SH3RF2: variants seen among roughly 807,000 people sequenced by gnomAD.
SH3RF2 encodes SH3 domain containing ring finger 2, also known as E3 ubiquitin-protein ligase SH3RF2.
Under a neutral mutation model 59.0 loss-of-function variants are expected in SH3RF2, and 43 were observed. The ratio of observed to expected loss-of-function variants is 0.73; its 90% CI spans 0.57 to 0.94. The LOEUF (loss-of-function observed/expected upper bound fraction) is 0.94. Ranked by LOEUF, SH3RF2 falls within the 40% of genes least tolerant of loss-of-function variation. The probability of loss-of-function intolerance (pLI) is 0.00; values close to 1 mark genes in which losing one functional copy is unlikely to be tolerated. For synonymous variants in SH3RF2, 391 were observed against 391.5 expected (o/e 1.00, Z 0.01); for missense variants, 930 against 940.1 (o/e 0.99, Z 0.14).
chr5:146,010,936 A>G (rs972100036), intron 4 of SH3RF2, among the ~76,000 whole-genome samples: 2 of 151,916 alleles, frequency 1.3e-5, no homozygotes, highest in Non-Finnish European at 1.5e-5. Context: ...TTGGTGTTAT[A>G]GACATGAAGT....
Position 146,011,233 on chromosome 5 carries a change from G to A in SH3RF2, c.745-2514G>A, listed in dbSNP as rs539413617. The stretch of plus-strand genomic sequence containing the variant: ...CTGAGGCCTCTGTTCTGTTCCATTG[G>A]TCTATATCTCTGTTTAGGTACCAGT... On this transcript the variant is annotated intron_variant, in intron 4 of 9. Coordinates refer to ENST00000359120, the MANE Select transcript of SH3RF2 (RefSeq NM_152550.4). 1.9e-3 allele frequency among the ~76,000 whole-genome samples: 288 copies of A among 152,190 alleles called. 3 individuals are homozygous for A. Among genetic ancestry groups the A allele is most frequent in the African/African-American group, 6.8e-3 (281 of 41,522 alleles).
rs192757021 is a variant in SH3RF2, at chr5:145,985,071, G to A, written c.379-14987G>A. On this transcript the variant is annotated intron_variant, in intron 2 of 9. Coordinates refer to ENST00000359120, the MANE Select transcript of SH3RF2 (RefSeq NM_152550.4). ...TTTGGGAGGCCAAGGTGGGAGGATCGCTTGAGCCCAGGAGGACCAGGCTTC... is the reference window on the plus strand; with the variant it reads ...TTTGGGAGGCCAAGGTGGGAGGATCACTTGAGCCCAGGAGGACCAGGCTTC... Among the ~76,000 whole-genome samples, 47 of 152,232 alleles carry A rather than the reference G, an allele frequency of 3.1e-4. No individual in the cohort carries two copies. The East Asian group carries it at 5.8e-3, about 19-fold the overall frequency.
At chr5:146,034,367 G>A (rs556519562) in intron 5 of SH3RF2, among the ~76,000 whole-genome samples, 32 of 152,280 alleles carry the variant, frequency 2.1e-4, no homozygotes, top group Middle Eastern at 3.4e-3. Flanking sequence ...CTGGGACCTC[G>A]GGGCAGGGAT....
intron 2 of SH3RF2, among the ~76,000 whole-genome samples, chr5:145,942,399 A>C (rs569443581): frequency 6.6e-6 from 1 of 152,142 alleles, no homozygotes; most frequent in East Asian, 1.9e-4. Context: ...CACACCTGCC[A>C]CCTCCAGCAC....
intron 2 of SH3RF2, among the ~76,000 whole-genome samples, chr5:145,945,966 TTC>T (rs1240841701): frequency 6.6e-6 from 1 of 152,202 alleles, no homozygotes; most frequent in Non-Finnish European, 1.5e-5. Flanking sequence ...AGCCAGTCTT[TTC>T]CATTGAAATG....
chr5:145,940,963 C>G (rs1314966582), intron 2 of SH3RF2, among the ~76,000 whole-genome samples: 1 of 152,160 alleles, frequency 6.6e-6, no homozygotes, highest in Non-Finnish European at 1.5e-5. Context: ...GAAGGAGTTA[C>G]AGCCCTTGCA....
chr5:146,035,523 C>T (rs139331094), intron 5 of SH3RF2, among the ~76,000 whole-genome samples: 6 of 152,176 alleles, frequency 3.9e-5, no homozygotes, highest in African/African-American at 1.4e-4. Flanking sequence ...CAGGGTTACA[C>T]GGTCGGTGAA....
chr5:146,026,396 T>C (rs980505548), intron 5 of SH3RF2, among the ~76,000 whole-genome samples: 21 of 152,228 alleles, frequency 1.4e-4, no homozygotes, highest in African/African-American at 4.6e-4. Context: ...TGTATAGCCC[T>C]GGACAAAGGG....
chr5:146,044,558 G>T (rs144277314), intron 5 of SH3RF2, among the ~76,000 whole-genome samples: 1 of 152,058 alleles, frequency 6.6e-6, no homozygotes, highest in Non-Finnish European at 1.5e-5. Context: ...CATCTTCTGT[G>T]GTATCTGTTG....
At chr5:146,025,969 CCT>C (rs1198019853) in intron 5 of SH3RF2, among the ~76,000 whole-genome samples, 4 of 152,214 alleles carry the variant, frequency 2.6e-5, no homozygotes, top group Admixed American at 1.3e-4. Context: ...TTACCTTCCC[CCT>C]CTTTCCTCCA....
At chr5:146,038,841 G>A (rs900063257) in intron 5 of SH3RF2, among the ~76,000 whole-genome samples, 1 of 152,180 alleles carries the variant, frequency 6.6e-6, no homozygotes, top group Non-Finnish European at 1.5e-5. Flanking sequence ...GAACAAAAAC[G>A]CCAAGTGCCA....
At chr5:146,072,415 G>A (rs1763257353) in intron 9 of SH3RF2, among the ~76,000 whole-genome samples, 1 of 152,226 alleles carries the variant, frequency 6.6e-6, no homozygotes, top group South Asian at 2.1e-4. Flanking sequence ...GCTCACGCCT[G>A]TAATTCCAGC....
Position 146,047,771 on chromosome 5 carries a change from G to A in SH3RF2, c.1060-1G>A, listed in dbSNP as rs368817064. ...CTTGGCTGTCTTTTCTGTCTGTGCA[G>A]GTCAGCACTTATCACCCCGCACCTG... is the stretch of plus-strand genomic sequence containing the variant. On this transcript the variant is annotated splice_acceptor_variant, in intron 5 of 9. Transcript: ENST00000359120. LOFTEE classifies it high-confidence loss of function. The A allele has an allele frequency of 2.9e-5, 47 of 1,613,864 alleles. No individual in the cohort carries two copies. Among genetic ancestry groups the A allele is most frequent in the South Asian group, 4.4e-5 (4 of 91,086 alleles).
chr5:146,064,603 GA>G (rs1482774300), downstream of SH3RF2, among the ~76,000 whole-genome samples: 521 of 126,762 alleles, frequency 4.1e-3, 25 homozygotes, highest in African/African-American at 0.014. Flanking sequence ...GAGAGAGAGA[GA>G]GAGAGAGAGA....
At chr5:145,976,511 T>C (rs935162698) in intron 2 of SH3RF2, among the ~76,000 whole-genome samples, 1 of 151,886 alleles carries the variant, frequency 6.6e-6, no homozygotes, top group Non-Finnish European at 1.5e-5. Context: ...CACTGACTGC[T>C]TGGAAACCAC....
intron 3 of SH3RF2, among the ~76,000 whole-genome samples, chr5:146,003,176 T>C (rs1760497466): frequency 6.6e-6 from 1 of 152,174 alleles, no homozygotes; most frequent in Non-Finnish European, 1.5e-5. Context: ...AAAAAATCAC[T>C]GTGTCCCATA....
intron 2 of SH3RF2, among the ~76,000 whole-genome samples, chr5:145,963,342 C>G (rs2149955578): frequency 6.6e-6 from 1 of 152,188 alleles, no homozygotes; most frequent in South Asian, 2.1e-4. Flanking sequence ...AAACCTTCCC[C>G]TTGACCAGCC....
At chr5:146,029,717 T>C (rs1580886081) in intron 5 of SH3RF2, among the ~76,000 whole-genome samples, 1 of 152,142 alleles carries the variant, frequency 6.6e-6, no homozygotes, top group South Asian at 2.1e-4. Context: ...AAAAACAAGA[T>C]ATGGGCCCCT....
intron 2 of SH3RF2, among the ~76,000 whole-genome samples, chr5:145,945,907 C>T (rs944462567): frequency 2.0e-5 from 3 of 152,242 alleles, no homozygotes; most frequent in South Asian, 2.1e-4. Flanking sequence ...AGCAGGTGAC[C>T]GAGCTTACTG....
Sources: allele counts gnomAD v4.1 joint callset (sites outside exome capture counted in the v4.1 genomes callset), GRCh38; gene constraint gnomAD v4.1.1; transcripts MANE v1.5; gene names NCBI Gene and HGNC (gene_info 2026-07-23, HGNC 2026-07-21).